TPD52L1: variants seen among roughly 807,000 people sequenced by gnomAD.
TPD52L1 encodes the protein tumor protein D53.
TPD52L1 carries 18 observed loss-of-function variants against 28.7 expected under a neutral mutation model. That is an observed-to-expected ratio of 0.63 (90% CI 0.43 to 0.93). The LOEUF is 0.93. Among genes scored for constraint, TPD52L1 ranks in the 40% least tolerant of loss-of-function variants. The pLI is 0.00. For synonymous variants in TPD52L1, 75 were observed against 88.8 expected (o/e 0.84, Z 0.88); for missense variants, 203 against 254.8 (o/e 0.80, Z 1.39).
intron 1 of TPD52L1, among the ~76,000 whole-genome samples, chr6:125,216,525 G>GTA (rs1554210698): frequency 1.8e-3 from 193 of 104,726 alleles, no homozygotes; most frequent in African/African-American, 3.0e-3. Context: ...TTCAGTATGT[G>GTA]TGTGTATATA....
At chr6:125,193,051 T>C (rs922762240) in intron 1 of TPD52L1, among the ~76,000 whole-genome samples, 1 of 152,226 alleles carries the variant, frequency 6.6e-6, no homozygotes, top group African/African-American at 2.4e-5. Context: ...CTATTTGAGA[T>C]AGTTACTATT....
intron 1 of TPD52L1, among the ~76,000 whole-genome samples, chr6:125,187,742 T>C (rs545917946): frequency 6.6e-6 from 1 of 152,306 alleles, no homozygotes; most frequent in Non-Finnish European, 1.5e-5. Flanking sequence ...TATACTGTAG[T>C]GTGTATGTAT....
At chr6:125,179,735 A>C (rs1792062376) in intron 1 of TPD52L1, among the ~76,000 whole-genome samples, 2 of 152,184 alleles carry the variant, frequency 1.3e-5, no homozygotes, top group South Asian at 4.2e-4. Context: ...TTTTCATTCA[A>C]TAGAACTAAC....
intron 1 of TPD52L1, among the ~76,000 whole-genome samples, chr6:125,157,811 C>T (rs525417): frequency 0.48 from 73,381 of 151,616 alleles, 19,388 homozygotes; most frequent in African/African-American, 0.71. Context: ...CTCAAGGCCA[C>T]TGTAAAAATT....
At chr6:125,203,348 G>C (rs900560071) in intron 1 of TPD52L1, among the ~76,000 whole-genome samples, 3 of 151,838 alleles carry the variant, frequency 2.0e-5, no homozygotes, top group Admixed American at 6.6e-5. Context: ...CAAATTTGTG[G>C]CTGCTGTGTT....
At chr6:125,242,077 T>C (rs1438729948) in intron 3 of TPD52L1, among the ~76,000 whole-genome samples, 1 of 152,044 alleles carries the variant, frequency 6.6e-6, no homozygotes, top group African/African-American at 2.4e-5. Context: ...ATTTCATTGT[T>C]GACCAAAGAT....
At chr6:125,181,380 T>C (rs1792185371) in intron 1 of TPD52L1, among the ~76,000 whole-genome samples, 1 of 152,110 alleles carries the variant, frequency 6.6e-6, no homozygotes. Flanking sequence ...CACAAAGAAC[T>C]AAGACATTTG....
chr6:125,192,756 G>T (rs750187555), intron 1 of TPD52L1, among the ~76,000 whole-genome samples: 79 of 152,148 alleles, frequency 5.2e-4, no homozygotes, highest in Non-Finnish European at 9.8e-4. Flanking sequence ...TGGCGGGCCT[G>T]AGTCTGCACC....
chr6:125,198,221 T>C (rs569256233), intron 1 of TPD52L1, among the ~76,000 whole-genome samples: 1 of 152,310 alleles, frequency 6.6e-6, no homozygotes, highest in African/African-American at 2.4e-5. Context: ...GGCCATCAGA[T>C]ACTGGGAGGT....
intron 3 of TPD52L1, among the ~76,000 whole-genome samples, chr6:125,234,577 A>G (rs1229021727): frequency 3.3e-5 from 5 of 152,212 alleles, no homozygotes; most frequent in Non-Finnish European, 5.9e-5. Context: ...TAAGTCAGCA[A>G]TGGTGAACCT....
At chr6:125,163,977 A>C (rs1297673278) in intron 1 of TPD52L1, among the ~76,000 whole-genome samples, 1 of 152,080 alleles carries the variant, frequency 6.6e-6, no homozygotes, top group Non-Finnish European at 1.5e-5. Flanking sequence ...CTCACAAGGA[A>C]GGTAACATTT....
intron 1 of TPD52L1, among the ~76,000 whole-genome samples, chr6:125,172,423 G>C (rs1312230944): frequency 7.4e-6 from 1 of 135,454 alleles, no homozygotes; most frequent in East Asian, 2.1e-4. Flanking sequence ...AAAGTATTGG[G>C]ATTATAGGCA....
intron 1 of TPD52L1, among the ~76,000 whole-genome samples, chr6:125,184,833 T>C (rs1157005890): frequency 6.7e-6 from 1 of 150,374 alleles, no homozygotes; most frequent in Non-Finnish European, 1.5e-5. Context: ...AAATTGTAAA[T>C]ATAAAATAAG....
Position 125,153,825 on chromosome 6 carries a change from C to A in TPD52L1, c.-127C>A. 1 of 1,132,602 alleles carries A rather than the reference C, an allele frequency of 8.8e-7. No homozygotes were observed. Among genetic ancestry groups the A allele is most frequent in the Non-Finnish European group, 1.2e-6 (1 of 830,938 alleles). The allele number at this position is 1,132,602 out of a possible 1,614,324, so 70.2% of individuals were successfully genotyped here. A position where few individuals can be genotyped will look rare whatever the true frequency, so the allele number is the denominator to read the frequency against. ...TCCCCAACCCCCTCCGCGCAGCGCT[C>A]GCGACACGCGTGCCAGGAGTGGGAG... On this transcript the variant is annotated 5_prime_UTR_variant, in exon 1 of 7. Coordinates refer to ENST00000534000, the MANE Select transcript of TPD52L1 (RefSeq NM_003287.4).
intron 3 of TPD52L1, chr6:125,234,253 A>G (rs1349355792): frequency 6.6e-6 from 1 of 152,234 alleles, no homozygotes; most frequent in Non-Finnish European, 1.5e-5. Context: ...CCTAGACCAG[A>G]TTTGAGCCTT....
chr6:125,184,453 C>T (rs1428584792), intron 1 of TPD52L1, among the ~76,000 whole-genome samples: 1 of 152,182 alleles, frequency 6.6e-6, no homozygotes, highest in African/African-American at 2.4e-5. Context: ...GAAGGCATTT[C>T]ACTGACCAAG....
chr6:125,213,941 G>T (rs150361889), intron 1 of TPD52L1, among the ~76,000 whole-genome samples: 2 of 152,282 alleles, frequency 1.3e-5, no homozygotes, highest in East Asian at 1.9e-4. Context: ...CAAGAGTTAA[G>T]GGCATCAAAC....
intron 1 of TPD52L1, among the ~76,000 whole-genome samples, chr6:125,194,321 G>GC (rs1793271087): frequency 6.6e-6 from 1 of 152,054 alleles, no homozygotes. Flanking sequence ...AAAGGTTAAG[G>GC]CCGTTTATAA....
At chr6:125,166,670 A>G (rs11965565) in intron 1 of TPD52L1, among the ~76,000 whole-genome samples, 1,690 of 152,224 alleles carry the variant, frequency 0.011, 45 homozygotes, top group African/African-American at 0.039. Flanking sequence ...TCATAGAAAG[A>G]AATGAATACC....
Sources: allele counts gnomAD v4.1 joint callset (sites outside exome capture counted in the v4.1 genomes callset), GRCh38; gene constraint gnomAD v4.1.1; transcripts MANE v1.5; gene names NCBI Gene and HGNC (gene_info 2026-07-23, HGNC 2026-07-21).